TRIM9: variants seen among roughly 807,000 people sequenced by gnomAD.
The protein encoded by TRIM9 is E3 ubiquitin-protein ligase TRIM9.
In TRIM9, 26 loss-of-function variants were observed where a neutral mutation model predicts 78.3. The ratio of observed to expected loss-of-function variants is 0.33; its 90% confidence interval spans 0.24 to 0.46. TRIM9 has a LOEUF of 0.46. TRIM9 is among the 20% of genes least tolerant of loss of function. TRIM9 has a pLI of 1.00. For synonymous variants in TRIM9, 398 were observed against 416.5 expected, an observed-to-expected ratio of 0.96 and a Z score of 0.54; for missense variants, 787 against 1,036.4, an observed-to-expected ratio of 0.76 and a Z score of 3.30.
In TRIM9 at chr14:51,068,344, A is replaced by T. The variant is rs548957333; in HGVS notation, c.822+25774T>A. ...GGTGTGCACCAAAAACAAAAACAAAAACAAAAACAAAAAACAAACCCAAAT... is the reference window on the plus strand; with the variant it reads ...GGTGTGCACCAAAAACAAAAACAAATACAAAAACAAAAAACAAACCCAAAT... On this transcript the variant is annotated intron_variant, in intron 1 of 12. Coordinates refer to ENST00000684578, the MANE Select transcript of TRIM9 (RefSeq NM_001387360.1). 9.7e-5 allele frequency among the ~76,000 whole-genome samples: 14 copies of T among 144,844 alleles called. 1 individual carries two copies. Among genetic ancestry groups the T allele is most frequent in the Middle Eastern group, 3.5e-3 (1 of 282 alleles).
intron 1 of TRIM9, among the ~76,000 whole-genome samples, chr14:51,046,588 T>A (rs982445322): frequency 2.6e-5 from 4 of 152,250 alleles, no homozygotes; most frequent in Non-Finnish European, 5.9e-5. Context: ...CTTGGTCTTC[T>A]ATTCTATAAT....
intron 1 of TRIM9, among the ~76,000 whole-genome samples, chr14:51,073,117 T>C (rs529290163): frequency 6.6e-6 from 1 of 152,274 alleles, no homozygotes; most frequent in South Asian, 2.1e-4. Flanking sequence ...CACAACACTG[T>C]GATACCACTG....
chr14:51,017,376 T>C (rs934355029), intron 3 of TRIM9, among the ~76,000 whole-genome samples: 6 of 152,226 alleles, frequency 3.9e-5, no homozygotes, highest in Non-Finnish European at 7.3e-5. Context: ...CACCTGTTTT[T>C]AGGAAGTCTT....
intron 1 of TRIM9, among the ~76,000 whole-genome samples, chr14:51,041,460 C>T (rs1473378958): frequency 6.6e-6 from 1 of 152,242 alleles, no homozygotes; most frequent in Admixed American, 6.5e-5. Flanking sequence ...GCCTGGCCCT[C>T]TTAGGAATGT....
At chr14:50,986,179 A>C in intron 7 of TRIM9, 35 bp from the exon 8 acceptor site, 2 of 1,447,880 alleles carry the variant, frequency 1.4e-6, no homozygotes, top group Non-Finnish European at 1.8e-6. Context: ...AGAGATCAGA[A>C]GTCTGCTATT....
At chr14:51,068,678 T>C (rs1356708856) in intron 1 of TRIM9, among the ~76,000 whole-genome samples, 2 of 152,164 alleles carry the variant, frequency 1.3e-5, no homozygotes, top group Non-Finnish European at 2.9e-5. Flanking sequence ...GTTTTGCCAC[T>C]ATGGGTGGGT....
chr14:51,046,904 C>T (rs571767766), intron 1 of TRIM9, among the ~76,000 whole-genome samples: 19 of 152,166 alleles, frequency 1.2e-4, no homozygotes, highest in Non-Finnish European at 2.1e-4. Flanking sequence ...AAACCGTTGG[C>T]TCTTATTATA....
At chr14:51,020,237 AAG>A (rs1329097872) in intron 3 of TRIM9, among the ~76,000 whole-genome samples, 2 of 152,166 alleles carry the variant, frequency 1.3e-5, no homozygotes, top group Admixed American at 6.6e-5. Flanking sequence ...GAGTAGCAAC[AAG>A]AGTGACAAGA....
intron 1 of TRIM9, among the ~76,000 whole-genome samples, chr14:51,091,643 G>C (rs918623773): frequency 6.6e-6 from 1 of 152,178 alleles, no homozygotes; most frequent in African/African-American, 2.4e-5. Flanking sequence ...GATGACAAGT[G>C]AATGTTAAAA....
intron 1 of TRIM9, among the ~76,000 whole-genome samples, chr14:51,058,969 G>A (rs780667495): frequency 1.3e-4 from 20 of 152,276 alleles, no homozygotes; most frequent in Non-Finnish European, 2.4e-4. Flanking sequence ...GAAGGGTTGC[G>A]GAATCTTGGG....
chr14:51,094,038 G>C (rs542860188), intron 1 of TRIM9, 80 bp downstream of exon 1: 10 of 1,432,984 alleles, frequency 7.0e-6, no homozygotes, highest in South Asian at 2.5e-5. Context: ...TGCGCTGTGC[G>C]CAAGAGACGG....
intron 1 of TRIM9, among the ~76,000 whole-genome samples, chr14:51,026,779 G>A (rs573725716): frequency 1.4e-4 from 21 of 152,272 alleles, no homozygotes; most frequent in African/African-American, 2.2e-4. Context: ...GCAGATTCTC[G>A]CTCTATCCCC....
At chr14:51,052,120 G>T (rs2060483832) in intron 1 of TRIM9, among the ~76,000 whole-genome samples, 1 of 151,862 alleles carries the variant, frequency 6.6e-6, no homozygotes, top group African/African-American at 2.4e-5. Context: ...CAGACTTAGG[G>T]TCTTTTATAT....
chr14:51,080,286 A>AG (rs2063178259), intron 1 of TRIM9, among the ~76,000 whole-genome samples: 1 of 152,164 alleles, frequency 6.6e-6, no homozygotes, highest in African/African-American at 2.4e-5. Flanking sequence ...GTATAGACAT[A>AG]TATAACTTCC....
intron 1 of TRIM9, among the ~76,000 whole-genome samples, chr14:51,060,999 T>C (rs980267774): frequency 3.9e-5 from 6 of 152,250 alleles, no homozygotes; most frequent in African/African-American, 1.4e-4. Flanking sequence ...AATGGCATCT[T>C]ATTATGGCTC....
intron 5 of TRIM9, among the ~76,000 whole-genome samples, chr14:51,005,299 T>C (rs1187576266): frequency 6.6e-6 from 1 of 152,176 alleles, no homozygotes; most frequent in Non-Finnish European, 1.5e-5. Flanking sequence ...AGGGCTCTTA[T>C]ATTCAACTTG....
chr14:51,005,329 A>T (rs1214829735), intron 5 of TRIM9, among the ~76,000 whole-genome samples: 1 of 151,906 alleles, frequency 6.6e-6, no homozygotes. Flanking sequence ...AAATAAATAC[A>T]CCCTTAGGTG....
At position 50,998,166 on chromosome 14, in the gene TRIM9, G is replaced by A; in HGVS notation, c.1487C>T (p.Thr496Ile). Reference protein sequence around the residue: ...QFREVYVGKETMCTVDGLHFN... With the variant: ...QFREVYVGKEIMCTVDGLHFN... ...GTGAAGACCATCCACAGTGCACATT[G>A]TCTCCTTCCCCACATACACCTCCTG... The change falls in exon 7 of 13, where the codon ACA becomes ATA. Residue 496 changes from threonine (T) to isoleucine (I), a missense_variant. By Grantham distance (89) the Thr-to-Ile change is moderately conservative. Transcript: ENST00000684578. The A allele has an allele frequency of 6.2e-7, 1 of 1,614,182 alleles. No individual in the cohort carries two copies. Among genetic ancestry groups the A allele is most frequent in the Non-Finnish European group, 8.5e-7 (1 of 1,180,014 alleles).
intron 12 of TRIM9, chr14:50,979,057 T>C (rs535120989): frequency 4.5e-6 from 6 of 1,318,790 alleles, no homozygotes; most frequent in Non-Finnish European, 5.8e-6. Context: ...GTCATTCTAT[T>C]TGTTTTCATG....
Sources: gnomAD v4.1 joint callset for allele counts (sites outside exome capture counted in the v4.1 genomes callset) on GRCh38, gnomAD v4.1.1 for gene constraint, MANE v1.5 for transcripts, NCBI Gene and HGNC (gene_info 2026-07-23, HGNC 2026-07-21) for gene names.